Variants in UBA6 observed in about 807,000 individuals in gnomAD.
UBA6 encodes the protein ubiquitin like modifier activating enzyme 6.
UBA6 carries 87 observed loss-of-function variants against 148.3 expected under a neutral mutation model. The ratio of observed to expected loss-of-function variants is 0.59; its 90% CI spans 0.49 to 0.70. The LOEUF (loss-of-function observed/expected upper bound fraction) is 0.70. UBA6 is among the 30% of genes least tolerant of loss of function. UBA6 has a pLI of 0.00. For synonymous variants in UBA6, 376 were observed against 401.0 expected (o/e 0.94, Z 0.75); for missense variants, 1,186 against 1,241.2 (o/e 0.96, Z 0.67).
chr4:67,663,745 G>T, intron 11 of UBA6, 140 bp downstream of exon 11: 1 of 638,656 alleles, frequency 1.6e-6, no homozygotes, highest in Non-Finnish European at 2.8e-6. Flanking sequence ...AGATATGTGA[G>T]TATAACCTTT....
rs75099001 is a variant in UBA6, at chr4:67,645,251, G to A, written c.1396-473C>T. On this transcript the variant is annotated intron_variant, in intron 16 of 32. Coordinates refer to ENST00000322244, the MANE Select transcript of UBA6 (RefSeq NM_018227.6). Reference sequence around the variant, plus strand: ...TAATTAAAACAATAAATGGCAGGGAGAGTTGTTTTATGTTATTGGGGAAAA... The same window carrying A: ...TAATTAAAACAATAAATGGCAGGGAAAGTTGTTTTATGTTATTGGGGAAAA... Among the ~76,000 whole-genome samples, 755 of 152,274 alleles carry A rather than the reference G, an allele frequency of 5.0e-3. 7 individuals are homozygous for A. The highest frequency in any genetic ancestry group is 0.017 in the African/African-American group (709 of 41,552).
At chr4:67,668,703 G>T (rs1234971579) in intron 8 of UBA6, 29 bp from the exon 9 acceptor site, 4 of 1,586,440 alleles carry the variant, frequency 2.5e-6, no homozygotes, top group Non-Finnish European at 3.4e-6. Flanking sequence ...TATTAAAAAA[G>T]AACTTCTTTT....
Position 67,624,459 on chromosome 4 carries a change from T to C in UBA6, c.2713-206A>G, listed in dbSNP as rs1472333952. On this transcript the variant is annotated intron_variant, in intron 29 of 32. Transcript: ENST00000322244. ...TCAAACTTTCAACCTACTCTATACA[T>C]GTTAACAGTTATTTAAAAAAATATT... 2.0e-5 allele frequency among the ~76,000 whole-genome samples: 3 copies of C among 152,234 alleles called. No individual in the cohort carries two copies. The East Asian group carries it at 5.8e-4, about 29-fold the overall frequency.
At chr4:67,658,423 A>G (rs926608951) in intron 13 of UBA6, among the ~76,000 whole-genome samples, 2 of 152,150 alleles carry the variant, frequency 1.3e-5, no homozygotes, top group African/African-American at 2.4e-5. Context: ...ATGTAAAAAC[A>G]AACTGTAGTA....
At chr4:67,651,573 C>T (rs1577810023) in intron 13 of UBA6, among the ~76,000 whole-genome samples, 1 of 152,100 alleles carries the variant, frequency 6.6e-6, no homozygotes, top group East Asian at 1.9e-4. Context: ...CAGAATTTTA[C>T]ATCTAGCCAA....
chr4:67,678,363 G>T, intron 5 of UBA6, 76 bp downstream of exon 5: 1 of 804,870 alleles, frequency 1.2e-6, no homozygotes, highest in Non-Finnish European at 1.9e-6. Flanking sequence ...ATGACTGATT[G>T]GTGTTCTAGA....
chr4:67,662,473 G>GTTT, intron 12 of UBA6: 60 of 341,074 alleles, frequency 1.8e-4, no homozygotes, highest in South Asian at 4.0e-4. Flanking sequence ...AGTTTTTTTT[G>GTTT]TTTTTTTTTT....
chr4:67,622,698 G>A, intron 32 of UBA6, 133 bp downstream of exon 32: 1 of 621,800 alleles, frequency 1.6e-6, no homozygotes, highest in South Asian at 2.9e-5. Flanking sequence ...CAGATTCACT[G>A]TCTTTATTAA....
At chr4:67,699,552 T>C (rs57819934) in intron 1 of UBA6, among the ~76,000 whole-genome samples, 34,891 of 152,014 alleles carry the variant, frequency 0.23, 4,154 homozygotes, top group Middle Eastern at 0.29. Flanking sequence ...ACATACACAA[T>C]ATACCCTGTT....
intron 7 of UBA6, among the ~76,000 whole-genome samples, chr4:67,671,252 C>G (rs1730141631): frequency 1.3e-5 from 2 of 152,154 alleles, no homozygotes. Flanking sequence ...AATCCTCATT[C>G]TGTAATGCAC....
At chr4:67,667,908 G>A (rs1406682236) in intron 9 of UBA6, among the ~76,000 whole-genome samples, 2 of 152,060 alleles carry the variant, frequency 1.3e-5, no homozygotes, top group African/African-American at 2.4e-5. Flanking sequence ...CTGCAGACAC[G>A]ACATTCATCC....
intron 13 of UBA6, among the ~76,000 whole-genome samples, chr4:67,660,310 C>G (rs990096632): frequency 6.6e-6 from 1 of 152,192 alleles, no homozygotes; most frequent in Non-Finnish European, 1.5e-5. Flanking sequence ...CAGAGGTCTT[C>G]AAGGAAGCTG....
In UBA6 at chr4:67,646,763, T is replaced by G; in HGVS notation, c.1277A>C (p.Glu426Ala). ...TTCACATTCAGGTTTGCCTAGTGATTCAACAATATCTGCTGCTTCAAGATA... is the reference window on the plus strand; with the variant it reads ...TTCACATTCAGGTTTGCCTAGTGATGCAACAATATCTGCTGCTTCAAGATA... ...WLYLEAADIV[E>A]SLGKPECEEF... is the part of the protein sequence containing the mutation. Residue 426 changes from glutamate (E) to alanine (A), a missense_variant, in exon 15 of 33, where the codon GAA becomes GCA. By Grantham distance (107) the Glu-to-Ala change is moderately radical. Transcript: ENST00000322244. 3.1e-6 allele frequency: 5 copies of G among 1,606,468 alleles called. No individual in the cohort carries two copies. Among genetic ancestry groups the G allele is most frequent in the Non-Finnish European group, 4.2e-6 (5 of 1,176,552 alleles).
intron 2 of UBA6, among the ~76,000 whole-genome samples, chr4:67,685,445 T>C (rs1245621688): frequency 6.6e-6 from 1 of 152,206 alleles, no homozygotes; most frequent in Non-Finnish European, 1.5e-5. Flanking sequence ...TCAGGATGAA[T>C]CATACCCAAT....
At chr4:67,643,371 T>C (rs1729351761) in intron 17 of UBA6, among the ~76,000 whole-genome samples, 1 of 152,044 alleles carries the variant, frequency 6.6e-6, no homozygotes, top group South Asian at 2.1e-4. Context: ...GCTGACTTTT[T>C]CTGCATAGTC....
Position 67,617,426 on chromosome 4 carries a change from C to T in UBA6, c.*1571G>A, listed in dbSNP as rs919694534. The T allele has an allele frequency of 2.0e-5, 3 of 151,974 alleles. No homozygotes were observed. The highest frequency in any genetic ancestry group is 6.6e-5 in the Admixed American group (1 of 15,262). 9.4% of individuals were successfully genotyped at this position (151,974 alleles called of 1,614,324 possible). ...AATGGGAAAGGGTAGGATATGTGAA[C>T]AAAATTTAATTTCTTTTTTCCAAAG... On this transcript the variant is annotated 3_prime_UTR_variant, in exon 33 of 33. Coordinates refer to ENST00000322244, the MANE Select transcript of UBA6 (RefSeq NM_018227.6).
chr4:67,699,556 C>CATGCAATG (rs10633615), intron 1 of UBA6, among the ~76,000 whole-genome samples: 1 of 151,934 alleles, frequency 6.6e-6, no homozygotes, highest in Non-Finnish European at 1.5e-5. Context: ...ACACAATATA[C>CATGCAATG]CCTGTTTGGG....
intron 23 of UBA6, 44 bp downstream of exon 23, chr4:67,633,301 G>A: frequency 6.7e-7 from 1 of 1,488,562 alleles, no homozygotes; most frequent in Non-Finnish European, 8.9e-7. Context: ...AACTAAATAA[G>A]CCAAGATCAG....
chr4:67,617,413 T>C lies in UBA6; in HGVS notation c.*1584A>G, dbSNP rs973837517. On this transcript the variant is annotated 3_prime_UTR_variant, in exon 33 of 33. Transcript: ENST00000322244. Reference sequence around the variant, plus strand: ...TTGGGATATGCACAATGGGAAAGGGTAGGATATGTGAACAAAATTTAATTT... The same window carrying C: ...TTGGGATATGCACAATGGGAAAGGGCAGGATATGTGAACAAAATTTAATTT... 1.3e-5 allele frequency: 2 copies of C among 152,084 alleles called. No homozygotes were observed. The highest frequency in any genetic ancestry group is 4.8e-5 in the African/African-American group (2 of 41,448). The allele number at this position is 152,084 out of a possible 1,614,324, so 9.4% of individuals were successfully genotyped here. A position where few individuals can be genotyped will look rare whatever the true frequency, so the allele number is the denominator to read the frequency against.
Sources: gnomAD v4.1 joint callset for allele counts (sites outside exome capture counted in the v4.1 genomes callset) on GRCh38, gnomAD v4.1.1 for gene constraint, MANE v1.5 for transcripts, NCBI Gene and HGNC (gene_info 2026-07-23, HGNC 2026-07-21) for gene names.